The following C2CD2L variants were observed in gnomAD, a reference collection of about 807,000 sequenced individuals.
C2CD2L encodes the protein C2CD2 like.
In C2CD2L, 24 loss-of-function variants were observed where a neutral mutation model predicts 69.9. The ratio of observed to expected loss-of-function variants is 0.34; its 90% CI spans 0.25 to 0.48. The LOEUF (loss-of-function observed/expected upper bound fraction) is 0.48. C2CD2L is among the 20% of genes least tolerant of loss of function. The pLI, the probability that C2CD2L is intolerant of heterozygous loss-of-function variation, is 0.99. For missense variants in C2CD2L, 811 were observed against 941.5 expected (o/e 0.86, Z 1.81); for synonymous variants, 367 against 391.0 (o/e 0.94, Z 0.72).
In C2CD2L at chr11:119,110,330, T is replaced by A. The variant is rs759310629; in HGVS notation, c.450+131T>A. On this transcript the variant is annotated intron_variant, in intron 2 of 13. Coordinates refer to ENST00000648610, the MANE Select transcript of C2CD2L (RefSeq NM_001290474.2). This position sits in a 1 kb window ranked among gnomAD's most constrained non-coding sequence, Gnocchi z 5.7. ...GGATCTAAGGATTGGTTTCAGGAAG[T>A]CTGAGAATCCCATTGAAGTTATGTG... 4.8e-5 allele frequency: 39 copies of A among 814,946 alleles called. No homozygotes were observed. Among genetic ancestry groups the A allele is most frequent in the Non-Finnish European group, 6.8e-5 (35 of 516,156 alleles). 50.5% of individuals were successfully genotyped at this position (814,946 alleles called of 1,614,324 possible).
At chr11:119,103,648 G>C (rs984559333), upstream of C2CD2L, among the ~76,000 whole-genome samples, 1 of 151,676 alleles carries the variant, frequency 6.6e-6, no homozygotes, top group South Asian at 2.1e-4. Context: ...AGTGAGCCGC[G>C]ATCATGCCAC....
At position 119,110,025 on chromosome 11, in the gene C2CD2L, T is replaced by A; in HGVS notation, c.355-79T>A. The A allele has an allele frequency of 9.8e-7, 1 of 1,017,410 alleles. No homozygotes were observed. Among genetic ancestry groups the A allele is most frequent in the Non-Finnish European group, 1.6e-6 (1 of 639,874 alleles). 63.0% of individuals were successfully genotyped at this position (1,017,410 alleles called of 1,614,324 possible). ...AGCTGAGGCCTCCGCAGTGGCAGAG[T>A]CCAGCCAGCAACTGAGCAGGCCAAC... On this transcript the variant is annotated intron_variant, in intron 1 of 13. Coordinates refer to ENST00000648610, the MANE Select transcript of C2CD2L (RefSeq NM_001290474.2). The surrounding 1 kb of genome is among the most constrained non-coding windows in gnomAD (Gnocchi z 5.7).
rs768879229 is a variant in C2CD2L at position 119,116,079 on chromosome 11, C to T, written c.1944C>T (p.Phe648=). 4 of 1,614,098 alleles carry T rather than the reference C, an allele frequency of 2.5e-6. No individual in the cohort carries two copies. In the South Asian group the frequency reaches 3.3e-5, roughly 13 times the overall value. The change falls in exon 14 of 14, where the codon TTC becomes TTT. Residue 648 remains phenylalanine, a synonymous_variant. Transcript: ENST00000648610. ...TGCGCAGCGGCACTAAGCTCATCTT[C>T]CGCCGGAGGCCTAGGCAGAAGGAAG... ...SFLRSGTKLI[F]RRRPRQKEAG...
At position 119,110,293 on chromosome 11, in the gene C2CD2L, T is replaced by C; in HGVS notation, c.450+94T>C. Reference sequence around the variant, plus strand: ...CCAGAGGTTCTTAACCTGGAGTCTGTGAATGCCTTATGGATCTAAGGATTG... The same window carrying C: ...CCAGAGGTTCTTAACCTGGAGTCTGCGAATGCCTTATGGATCTAAGGATTG... On this transcript the variant is annotated intron_variant, in intron 2 of 13. Coordinates refer to ENST00000648610, the MANE Select transcript of C2CD2L (RefSeq NM_001290474.2). The surrounding 1 kb of genome is among the most constrained non-coding windows in gnomAD (Gnocchi z 5.7). 1 of 964,424 alleles carries C rather than the reference T, an allele frequency of 1.0e-6. No homozygotes were observed. The highest frequency in any genetic ancestry group is 1.4e-5 in the South Asian group (1 of 70,724). The allele number at this position is 964,424 out of a possible 1,614,324, so 59.7% of individuals were successfully genotyped here.
In C2CD2L at chr11:119,114,637, TAA is replaced by T; in HGVS notation, c.1909+280_1909+281del. Reference sequence around the variant, plus strand: ...TCTAAGTGCCATTTTTCCTGCCCTTTAAAAAAAAATTATAAAAATTTATTCCT... The same window carrying T: ...TCTAAGTGCCATTTTTCCTGCCCTTTAAAAAAATTATAAAAATTTATTCCT... On this transcript the variant is annotated intron_variant, in intron 13 of 13. Coordinates refer to ENST00000648610, the MANE Select transcript of C2CD2L (RefSeq NM_001290474.2). The surrounding 1 kb of genome is among the most constrained non-coding windows in gnomAD (Gnocchi z 5.1). The T allele has an allele frequency of 3.8e-5, 16 of 418,902 alleles. No individual in the cohort carries two copies. The highest frequency in any genetic ancestry group is 4.8e-5 in the Non-Finnish European group (11 of 229,272). 25.9% of individuals were successfully genotyped at this position (418,902 alleles called of 1,614,324 possible).
chr11:119,104,935 G>C (rs1026815559), upstream of C2CD2L, among the ~76,000 whole-genome samples: 18 of 152,070 alleles, frequency 1.2e-4, no homozygotes, highest in African/African-American at 4.1e-4. Context: ...TCCCCTCTTA[G>C]TCTAGAAAAA....
At chr11:119,104,517 TG>T, upstream of C2CD2L, among the ~76,000 whole-genome samples, 1 of 152,336 alleles carries the variant, frequency 6.6e-6, no homozygotes, top group East Asian at 1.9e-4. Flanking sequence ...TTTGTTCCCA[TG>T]ATGATAAAGT....
rs928666674 is a variant in C2CD2L, at chr11:119,117,862, G to A, written c.*1606G>A. ...CTTGAGCAGGCAACTTCTCCTTTGG[G>A]GACCTCAGTTTCCTCATATCTAAAA... On this transcript the variant is annotated 3_prime_UTR_variant, in exon 14 of 14. Transcript: ENST00000648610. The A allele has an allele frequency of 5.3e-5, 8 of 152,080 alleles. No individual in the cohort carries two copies. Among genetic ancestry groups the A allele is most frequent in the Non-Finnish European group, 1.0e-4 (7 of 68,018 alleles). 9.4% of individuals were successfully genotyped at this position (152,080 alleles called of 1,614,324 possible). A position where few individuals can be genotyped will look rare whatever the true frequency, so the allele number is the denominator to read the frequency against.
chr11:119,108,007 TG>T lies in C2CD2L; in HGVS notation c.268del (p.Ala90ArgfsTer21). The T allele has an allele frequency of 6.3e-7, 1 of 1,591,978 alleles. No homozygotes were observed. Among genetic ancestry groups the T allele is most frequent in the Non-Finnish European group, 8.5e-7 (1 of 1,171,674 alleles). On this transcript the variant is annotated frameshift_variant, in exon 1 of 14. Transcript: ENST00000648610. LOFTEE classifies it high-confidence loss of function. ...GAGGAGCCAGGAGTCCGGGGCCTCC[TG>T]GCGTCACTCTTCGCCTTCAAGTCTT... ...AAEEPGVRGLLASLFAFKSFR... is the reference protein window; with the variant it reads ...AAEEPGVRGLXASLFAFKSFR...
chr11:119,111,448 G>T (rs1946740961), intron 6 of C2CD2L, 73 bp from the exon 7 acceptor site: 6 of 1,594,596 alleles, frequency 3.8e-6, no homozygotes, highest in Non-Finnish European at 5.2e-6. Flanking sequence ...CTCTGCCAAG[G>T]GTACAGCCTC....
chr11:119,110,437 G>T lies in C2CD2L; in HGVS notation c.451-124G>T. 1 of 1,150,068 alleles carries T rather than the reference G, an allele frequency of 8.7e-7. No individual in the cohort carries two copies. Among genetic ancestry groups the T allele is most frequent in the Non-Finnish European group, 1.2e-6 (1 of 833,726 alleles). 71.2% of individuals were successfully genotyped at this position (1,150,068 alleles called of 1,614,324 possible). On this transcript the variant is annotated intron_variant, in intron 2 of 13. Coordinates refer to ENST00000648610, the MANE Select transcript of C2CD2L (RefSeq NM_001290474.2). This position sits in a 1 kb window ranked among gnomAD's most constrained non-coding sequence, Gnocchi z 5.7. The stretch of plus-strand genomic sequence containing the variant: ...TTATCTGATTCTTTTAGGGATTTAT[G>T]ATCCTGAAAACATGAAGTCCTTAGG...
At position 119,112,830 on chromosome 11, in the gene C2CD2L, C is replaced by T. The variant is rs570188789; in HGVS notation, c.1343C>T (p.Thr448Ile). Residue 448 changes from threonine (T) to isoleucine (I), a missense_variant, in exon 10 of 14, where the codon ACA becomes ATA. Physicochemically the swap from Thr to Ile is moderately conservative, Grantham distance 89. Transcript: ENST00000648610. ...ATGCCCGATGGCACCATTGTCACCA[C>T]AGTCACCACTGTCCAGTCCCGGCCC... Reference protein sequence around the residue: ...TIMPDGTIVTTVTTVQSRPRI... With the variant: ...TIMPDGTIVTIVTTVQSRPRI... 1 of 1,614,088 alleles carries T rather than the reference C, an allele frequency of 6.2e-7. No homozygotes were observed. The highest frequency in any genetic ancestry group is 1.7e-5 in the Admixed American group (1 of 60,014).
At position 119,114,321 on chromosome 11, in the gene C2CD2L, G is replaced by C; in HGVS notation, c.1865G>C (p.Gly622Ala). The C allele has an allele frequency of 6.2e-7, 1 of 1,614,148 alleles. No homozygotes were observed. Among genetic ancestry groups the C allele is most frequent in the Non-Finnish European group, 8.5e-7 (1 of 1,180,032 alleles). Residue 622 changes from glycine (G) to alanine (A), a missense_variant, in exon 13 of 14, where the codon GGG (glycine) becomes GCG (alanine). Physicochemically the swap from Gly to Ala is moderately conservative, Grantham distance 60 (BLOSUM62 0). Transcript: ENST00000648610. The surrounding 1 kb of genome is among the most constrained non-coding windows in gnomAD (Gnocchi z 5.1). ...GTGGATGATATTGAGTCGGAAACGG[G>C]GTCCACTGGTGCCCTGGAGACCCGC... The part of the protein sequence containing the change: ...PSVDDIESET[G>A]STGALETRSL...
In C2CD2L at chr11:119,116,070, G is replaced by A; in HGVS notation, c.1935G>A (p.Lys645=). The change falls in exon 14 of 14, where the codon AAG becomes AAA. Residue 645 remains lysine, a synonymous_variant. Coordinates refer to ENST00000648610, the MANE Select transcript of C2CD2L (RefSeq NM_001290474.2). ...HKVSFLRSGT[K]LIFRRRPRQK... ...TGAGTTTCCTGCGCAGCGGCACTAA[G>A]CTCATCTTCCGCCGGAGGCCTAGGC... 3 of 1,613,910 alleles carry A rather than the reference G, an allele frequency of 1.9e-6. No homozygotes were observed. Among genetic ancestry groups the A allele is most frequent in the Non-Finnish European group, 8.5e-7 (1 of 1,180,016 alleles).
At chr11:119,105,689 C>T (rs555910010), upstream of C2CD2L, among the ~76,000 whole-genome samples, 42 of 150,936 alleles carry the variant, frequency 2.8e-4, no homozygotes, top group African/African-American at 9.3e-4. Context: ...TAGGGAGACT[C>T]ATGTAACTAG....
chr11:119,117,628 C>T lies in C2CD2L; in HGVS notation c.*1372C>T, dbSNP rs560535906. The T allele has an allele frequency of 6.6e-6, 1 of 152,292 alleles. No individual in the cohort carries two copies. The highest frequency in any genetic ancestry group is 6.5e-5 in the Admixed American group (1 of 15,296). 9.4% of individuals were successfully genotyped at this position (152,292 alleles called of 1,614,324 possible). ...TCAGAAGAAACTGGGAGGGGGAAGT[C>T]TTAGAAGTGTTTCAACATAATAAAA... On this transcript the variant is annotated 3_prime_UTR_variant, in exon 14 of 14. Coordinates refer to ENST00000648610, the MANE Select transcript of C2CD2L (RefSeq NM_001290474.2).
chr11:119,111,178 C>T lies in C2CD2L; in HGVS notation c.798+10C>T. The stretch of plus-strand genomic sequence containing the variant: ...TGCCCCAGGAGGCCTGGTGAGTTGG[C>T]ACCCAAAGCAAAAGATTTGCATGCA... On this transcript the variant is annotated intron_variant, in intron 5 of 13. Transcript: ENST00000648610. 6.2e-7 allele frequency: 1 copy of T among 1,612,330 alleles called. No individual in the cohort carries two copies. The highest frequency in any genetic ancestry group is 1.1e-5 in the South Asian group (1 of 91,052).
At chr11:119,103,008 G>GATTACAGGCAGTAGCTGGA (rs1176525438), upstream of C2CD2L, among the ~76,000 whole-genome samples, 1 of 151,694 alleles carries the variant, frequency 6.6e-6, no homozygotes, top group Non-Finnish European at 1.5e-5. Flanking sequence ...GAGTAGCTGG[G>GATTACAGGCAGTAGCTGGA]ATTACAGGCA....
chr11:119,113,753 G>A (rs1334759198), intron 11 of C2CD2L, 41 bp downstream of exon 11: 2 of 1,613,054 alleles, frequency 1.2e-6, no homozygotes, highest in East Asian at 2.2e-5. Context: ...GTTGGCCCTG[G>A]TGCCCCAGCA....
Sources: allele counts gnomAD v4.1 joint callset (sites outside exome capture counted in the v4.1 genomes callset), GRCh38; gene constraint gnomAD v4.1.1; non-coding constraint Gnocchi (gnomAD v3.1); transcripts MANE v1.5; gene names NCBI Gene and HGNC (gene_info 2026-07-23, HGNC 2026-07-21).